The following KIAA2012 variants were observed in gnomAD, a reference collection of about 807,000 sequenced individuals.
KIAA2012 encodes the protein uncharacterized protein KIAA2012.
In KIAA2012, 125 loss-of-function variants were observed where a neutral mutation model predicts 150.6. The observed-to-expected ratio is 0.83, with a 90% CI of 0.72 to 0.96. KIAA2012 has a LOEUF of 0.96. KIAA2012 is among the 40% of genes least tolerant of loss of function. The pLI is 0.00. For missense variants in KIAA2012, 1,219 were observed against 1,354.9 expected (o/e 0.90, Z 1.57); for synonymous variants, 462 against 504.7 (o/e 0.92, Z 1.13).
intron 15 of KIAA2012, among the ~76,000 whole-genome samples, chr2:202,183,257 G>A (rs910631714): frequency 1.3e-5 from 2 of 151,848 alleles, no homozygotes; most frequent in African/African-American, 4.8e-5. Flanking sequence ...CCGTCTATAC[G>A]AAAAATAGAA....
At chr2:202,125,934 GCTTTTTTTT>G in intron 12 of KIAA2012, 4 of 176,020 alleles carry the variant, frequency 2.3e-5, no homozygotes, top group Admixed American at 1.0e-4. Context: ...GTTCCTGGCT[GCTTTTTTTT>G]TTTTTTTTTT....
In KIAA2012 at chr2:202,188,274, A is replaced by G; in HGVS notation, c.2491+8A>G. ...AAGCAGAGGCTGCCATTGGTAAGAG[A>G]GTGTGCCTGCAAGTAACAACCTGGA... On this transcript the variant is annotated splice_region_variant and intron_variant, in intron 18 of 23. Coordinates refer to ENST00000498697, the MANE Select transcript of KIAA2012 (RefSeq NM_001277372.4). 1.3e-6 allele frequency: 2 copies of G among 1,546,478 alleles called. No homozygotes were observed. Among genetic ancestry groups the G allele is most frequent in the South Asian group, 2.4e-5 (2 of 83,812 alleles).
chr2:202,154,407 G>C (rs56705554), intron 13 of KIAA2012, among the ~76,000 whole-genome samples: 55,604 of 152,058 alleles, frequency 0.37, 10,409 homozygotes, highest in East Asian at 0.6. Flanking sequence ...TGCCTTACAG[G>C]GTTGTTGTGA....
At chr2:202,132,804 T>TA (rs1406217354) in intron 12 of KIAA2012, among the ~76,000 whole-genome samples, 17 of 100,326 alleles carry the variant, frequency 1.7e-4, no homozygotes, top group African/African-American at 4.5e-4. Context: ...ATATATATAT[T>TA]TTTTTTTTCA....
chr2:202,168,065 G>A (rs556051865), intron 15 of KIAA2012, among the ~76,000 whole-genome samples: 62 of 152,136 alleles, frequency 4.1e-4, no homozygotes, highest in African/African-American at 1.5e-3. Flanking sequence ...GATACTAACA[G>A]TACTTATCTC....
intron 13 of KIAA2012, among the ~76,000 whole-genome samples, chr2:202,141,382 TGGGGGCA>T (rs1403432296): frequency 6.7e-6 from 1 of 149,430 alleles, no homozygotes; most frequent in African/African-American, 2.5e-5. Context: ...GGTGAGGTGG[TGGGGGCA>T]GGGGTAAGAA....
chr2:202,132,688 A>ATG (rs1690963153), intron 12 of KIAA2012, among the ~76,000 whole-genome samples: 2 of 76,884 alleles, frequency 2.6e-5, no homozygotes, highest in African/African-American at 5.2e-5. Flanking sequence ...ACATATATAT[A>ATG]TATGTATGTA....
intron 13 of KIAA2012, among the ~76,000 whole-genome samples, chr2:202,152,703 TA>T (rs959052457): frequency 4.6e-5 from 7 of 152,090 alleles, no homozygotes; most frequent in African/African-American, 1.7e-4. Flanking sequence ...GCTGAGATGA[TA>T]AAAAAATTGG....
intron 18 of KIAA2012, 37 bp from the exon 19 acceptor site, chr2:202,190,137 C>T: frequency 6.9e-7 from 1 of 1,452,392 alleles, no homozygotes; most frequent in Non-Finnish European, 9.1e-7. Flanking sequence ...ATTAAGTTAA[C>T]TCAGCTATAT....
At chr2:202,129,360 C>T (rs1022814960) in intron 12 of KIAA2012, among the ~76,000 whole-genome samples, 2 of 151,754 alleles carry the variant, frequency 1.3e-5, no homozygotes, top group Non-Finnish European at 2.9e-5. Flanking sequence ...GGTGGGATTA[C>T]GGGCACCCGC....
At position 202,097,477 on chromosome 2, in the gene KIAA2012, A is replaced by C. The variant is rs1439149075; in HGVS notation, c.728A>C (p.His243Pro). Residue 243 changes from histidine to proline, a missense_variant, in exon 5 of 24, where the codon CAC becomes CCC. By Grantham distance (77) the His-to-Pro change is moderately conservative (BLOSUM62 -2). Transcript: ENST00000498697. ...LDEGEAGAAG[H>P]VDQGPLAKNH... ...GAAGGGGAAGCTGGAGCTGCTGGAC[A>C]CGTGGACCAGGGCCCTCTAGCCAAG... 1 of 1,550,544 alleles carries C rather than the reference A, an allele frequency of 6.4e-7. No homozygotes were observed. The highest frequency in any genetic ancestry group is 8.7e-7 in the Non-Finnish European group (1 of 1,146,964).
intron 2 of KIAA2012, among the ~76,000 whole-genome samples, chr2:202,087,372 G>A (rs1689595129): frequency 6.6e-6 from 1 of 151,944 alleles, no homozygotes; most frequent in Non-Finnish European, 1.5e-5. Flanking sequence ...AATTAGCCAG[G>A]CATTGTGGCA....
intron 11 of KIAA2012, chr2:202,114,307 T>C (rs542315046): frequency 1.8e-5 from 3 of 166,128 alleles, no homozygotes; most frequent in East Asian, 3.9e-4. Flanking sequence ...TCCGCTGCTA[T>C]TGAAGCAGCC....
At chr2:202,085,921 G>A (rs1211422637) in intron 2 of KIAA2012, among the ~76,000 whole-genome samples, 1 of 152,080 alleles carries the variant, frequency 6.6e-6, no homozygotes, top group East Asian at 1.9e-4. Context: ...TGTAATCCCA[G>A]CACTTTGGGA....
At chr2:202,160,245 G>T (rs374268219) in intron 14 of KIAA2012, among the ~76,000 whole-genome samples, 1 of 151,312 alleles carries the variant, frequency 6.6e-6, no homozygotes, top group African/African-American at 2.4e-5. Flanking sequence ...AGGGAGCAGA[G>T]ATTTGATATT....
intron 9 of KIAA2012, among the ~76,000 whole-genome samples, chr2:202,108,299 C>T (rs557324492): frequency 2.6e-5 from 4 of 152,304 alleles, no homozygotes; most frequent in Admixed American, 2.6e-4. Flanking sequence ...GCACGTATCT[C>T]CTAAGTCCAG....
At chr2:202,082,762 A>G (rs1362207760) in intron 2 of KIAA2012, among the ~76,000 whole-genome samples, 1 of 151,844 alleles carries the variant, frequency 6.6e-6, no homozygotes, top group Non-Finnish European at 1.5e-5. Context: ...TAGTTCTAAG[A>G]GTTTTACAGT....
chr2:202,106,713 A>G (rs1280475019), intron 9 of KIAA2012, among the ~76,000 whole-genome samples: 3 of 152,148 alleles, frequency 2.0e-5, no homozygotes, highest in African/African-American at 7.2e-5. Flanking sequence ...ATTTTTTTTA[A>G]AAAGTCCATA....
intron 11 of KIAA2012, 132 bp from the exon 12 acceptor site, chr2:202,125,082 A>C (rs1690747486): frequency 1.2e-5 from 9 of 740,460 alleles, no homozygotes; most frequent in Non-Finnish European, 2.0e-5. Flanking sequence ...AAATTTAAAA[A>C]AAAGAAACAG....
Sources: gnomAD v4.1 joint callset for allele counts (sites outside exome capture counted in the v4.1 genomes callset) on GRCh38, gnomAD v4.1.1 for gene constraint, MANE v1.5 for transcripts, NCBI Gene and HGNC (gene_info 2026-07-23, HGNC 2026-07-21) for gene names.